The following SIPA1L1 variants were observed in gnomAD, a reference collection of about 807,000 sequenced individuals.
SIPA1L1 encodes signal-induced proliferation-associated 1-like protein 1.
In SIPA1L1, 26 loss-of-function variants were observed where a neutral mutation model predicts 162.7. The observed-to-expected ratio is 0.16, with a 90% CI of 0.12 to 0.22. The LOEUF (loss-of-function observed/expected upper bound fraction) is 0.22. Among genes scored for constraint, SIPA1L1 ranks in the 10% least tolerant of loss-of-function variants. The pLI, the probability that SIPA1L1 is intolerant of heterozygous loss-of-function variation, is 1.00. For synonymous variants in SIPA1L1, 829 were observed against 837.4 expected (o/e 0.99, Z 0.17); for missense variants, 1,874 against 2,241.0 (o/e 0.84, Z 3.31).
intron 2 of SIPA1L1, among the ~76,000 whole-genome samples, chr14:71,493,959 C>T (rs1216376266): frequency 6.6e-6 from 1 of 152,212 alleles, no homozygotes; most frequent in Non-Finnish European, 1.5e-5. Flanking sequence ...TCAGTCTTTA[C>T]CATGCAATAG....
At chr14:71,719,645 C>A (rs1042510284) in intron 17 of SIPA1L1, among the ~76,000 whole-genome samples, 1 of 152,108 alleles carries the variant, frequency 6.6e-6, no homozygotes, top group South Asian at 2.1e-4. Context: ...AGGTGTGCAC[C>A]ACCACACCCA....
At chr14:71,632,914 C>G (rs1413459218) in intron 7 of SIPA1L1, among the ~76,000 whole-genome samples, 1 of 152,112 alleles carries the variant, frequency 6.6e-6, no homozygotes, top group African/African-American at 2.4e-5. Flanking sequence ...GATCCAGAGT[C>G]TCGTAAGTTA....
intron 4 of SIPA1L1, among the ~76,000 whole-genome samples, chr14:71,544,255 T>C (rs1355832956): frequency 3.7e-5 from 4 of 107,310 alleles, no homozygotes; most frequent in South Asian, 2.7e-4. Flanking sequence ...CATATGTATA[T>C]ACACATGATA....
At chr14:71,327,311 T>G (rs2033949349) in intron 2 of SIPA1L1, among the ~76,000 whole-genome samples, 1 of 152,198 alleles carries the variant, frequency 6.6e-6, no homozygotes, top group Non-Finnish European at 1.5e-5. Context: ...CTTGAACTCC[T>G]GACTTCAGGT....
At chr14:71,497,091 C>G (rs1235248903) in intron 2 of SIPA1L1, among the ~76,000 whole-genome samples, 4 of 152,072 alleles carry the variant, frequency 2.6e-5, no homozygotes, top group African/African-American at 9.7e-5. Context: ...ATCACTTGAA[C>G]CCAGGAGGCA....
chr14:71,388,537 G>A (rs969370759), intron 2 of SIPA1L1, among the ~76,000 whole-genome samples: 3 of 152,116 alleles, frequency 2.0e-5, no homozygotes, highest in African/African-American at 7.2e-5. Flanking sequence ...TACCCTTTCC[G>A]TGTCAAATTC....
chr14:71,601,871 C>G (rs781651508), intron 5 of SIPA1L1, among the ~76,000 whole-genome samples: 1 of 151,590 alleles, frequency 6.6e-6, no homozygotes, highest in Non-Finnish European at 1.5e-5. Flanking sequence ...TTGTTAGTGC[C>G]TCTGATCTTT....
At chr14:71,376,990 C>CT (rs1308905619) in intron 2 of SIPA1L1, among the ~76,000 whole-genome samples, 14 of 152,220 alleles carry the variant, frequency 9.2e-5, no homozygotes, top group Non-Finnish European at 1.6e-4. Context: ...ACATTTCCCC[C>CT]TTTCTATTCG....
At chr14:71,607,720 CTT>C (rs1194347232) in intron 5 of SIPA1L1, among the ~76,000 whole-genome samples, 1 of 152,138 alleles carries the variant, frequency 6.6e-6, no homozygotes, top group Non-Finnish European at 1.5e-5. Flanking sequence ...GCTTCTAAGA[CTT>C]TTCAGTTTCT....
intron 2 of SIPA1L1, among the ~76,000 whole-genome samples, chr14:71,497,343 G>A (rs1225201377): frequency 3.3e-5 from 5 of 152,064 alleles, no homozygotes; most frequent in African/African-American, 1.2e-4. Context: ...ACCACACCTG[G>A]CCCATACCGT....
chr14:71,360,510 C>T (rs912168153), intron 2 of SIPA1L1, among the ~76,000 whole-genome samples: 3 of 152,200 alleles, frequency 2.0e-5, no homozygotes. Context: ...AATGTACAAG[C>T]CTCTCTTTGG....
chr14:71,504,101 A>G (rs1319174019), intron 2 of SIPA1L1, among the ~76,000 whole-genome samples: 2 of 152,082 alleles, frequency 1.3e-5, no homozygotes, highest in Non-Finnish European at 2.9e-5. Context: ...CATCGCGCCC[A>G]GTCCTAAAAG....
At chr14:71,560,246 C>T (rs2056679010) in intron 4 of SIPA1L1, among the ~76,000 whole-genome samples, 1 of 152,214 alleles carries the variant, frequency 6.6e-6, no homozygotes, top group South Asian at 2.1e-4. Flanking sequence ...GAAAACCTCT[C>T]TAGTAGCATA....
intron 15 of SIPA1L1, among the ~76,000 whole-genome samples, chr14:71,702,978 T>G (rs957037889): frequency 7.9e-5 from 12 of 152,256 alleles, no homozygotes; most frequent in African/African-American, 2.9e-4. Context: ...ACTCTGCTAT[T>G]AAGCTGTCAG....
intron 7 of SIPA1L1, among the ~76,000 whole-genome samples, chr14:71,637,383 A>G (rs2041269178): frequency 6.6e-6 from 1 of 152,144 alleles, no homozygotes; most frequent in Non-Finnish European, 1.5e-5. Flanking sequence ...GTATTGTCAT[A>G]ATCGTTCTAT....
chr14:71,450,138 A>G (rs1036281222), intron 2 of SIPA1L1, among the ~76,000 whole-genome samples: 1 of 152,164 alleles, frequency 6.6e-6, no homozygotes, highest in African/African-American at 2.4e-5. Context: ...TAATTTTTCT[A>G]TTACGATTAT....
intron 4 of SIPA1L1, among the ~76,000 whole-genome samples, chr14:71,582,490 C>T (rs185301585): frequency 2.6e-5 from 4 of 152,128 alleles, no homozygotes; most frequent in Admixed American, 1.3e-4. Flanking sequence ...ACCTTAGAAG[C>T]GTAACTTTCT....
At chr14:71,514,721 A>G (rs866472303) in intron 3 of SIPA1L1, among the ~76,000 whole-genome samples, 18 of 152,224 alleles carry the variant, frequency 1.2e-4, no homozygotes, top group Non-Finnish European at 2.5e-4. Flanking sequence ...ACTTAAAGCA[A>G]TTGAAGGTAG....
At chr14:71,701,728 C>G (rs899433418) in intron 14 of SIPA1L1, among the ~76,000 whole-genome samples, 8 of 152,162 alleles carry the variant, frequency 5.3e-5, no homozygotes, top group African/African-American at 1.9e-4. Context: ...AACTGGCTCA[C>G]TAAATAGCTA....
Sources: allele counts gnomAD v4.1 joint callset (sites outside exome capture counted in the v4.1 genomes callset), GRCh38; gene constraint gnomAD v4.1.1; transcripts MANE v1.5; gene names NCBI Gene and HGNC (gene_info 2026-07-23, HGNC 2026-07-21).